BMPER: variants seen among roughly 807,000 people sequenced by gnomAD.
The protein encoded by BMPER is BMP-binding endothelial regulator protein.
A neutral mutation model predicts 87.3 loss-of-function variants in BMPER; 45 were observed. The ratio of observed to expected loss-of-function variants is 0.52; its 90% CI spans 0.41 to 0.66. The LOEUF (loss-of-function observed/expected upper bound fraction) is 0.66. Ranked by LOEUF, BMPER falls within the 30% of genes least tolerant of loss-of-function variation. The pLI, the probability that BMPER is intolerant of heterozygous loss-of-function variation, is 0.00. For missense variants in BMPER, 784 were observed against 867.5 expected (o/e 0.90, Z 1.21); for synonymous variants, 326 against 316.2 (o/e 1.03, Z -0.33).
At chr7:33,905,283 G>T (rs1257434666), upstream of BMPER, 3 of 413,456 alleles carry the variant, frequency 7.3e-6, no homozygotes, top group Admixed American at 3.6e-5. Flanking sequence ...TCCGGCTGCC[G>T]CAACACCCCT....
intron 13 of BMPER, among the ~76,000 whole-genome samples, chr7:34,089,748 T>C (rs1181546725): frequency 6.6e-6 from 1 of 152,144 alleles, no homozygotes; most frequent in Non-Finnish European, 1.5e-5. Context: ...CCTCCCAAAG[T>C]GCTGGGATTA....
chr7:34,139,765 TTTTCAAA>T (rs1790815066), intron 13 of BMPER, among the ~76,000 whole-genome samples: 1 of 152,240 alleles, frequency 6.6e-6, no homozygotes, highest in Non-Finnish European at 1.5e-5. Context: ...TAAAAATATA[TTTTCAAA>T]ACTTCATTGT....
At chr7:34,148,132 C>T (rs1006810302) in intron 14 of BMPER, among the ~76,000 whole-genome samples, 2 of 152,126 alleles carry the variant, frequency 1.3e-5, no homozygotes, top group Non-Finnish European at 2.9e-5. Context: ...ACCAAGGATC[C>T]GCCCTTCCCT....
intron 2 of BMPER, among the ~76,000 whole-genome samples, chr7:33,916,978 CT>C (rs1353868900): frequency 6.6e-6 from 1 of 152,058 alleles, no homozygotes; most frequent in South Asian, 2.1e-4. Context: ...TAAACACTGT[CT>C]TTTTTTTGAA....
Position 34,085,805 on chromosome 7 carries a change from G to C in BMPER, c.1458G>C (p.Ala486=). The stretch of plus-strand genomic sequence containing the variant: ...ACAGTTTTGTAGAAGTCATGGCTGC[G>C]CCGCATCTCAAGGGCAAGCTCTGTG... The part of the protein sequence containing the change: ...DGDSFVEVMA[A]PHLKGKLCGL... The change falls in exon 13 of 15, where the codon GCG becomes GCC. Residue 486 remains alanine (A), a synonymous_variant. Coordinates refer to ENST00000649409, the MANE Select transcript of BMPER (RefSeq NM_001365308.1). 1.9e-6 allele frequency: 3 copies of C among 1,614,154 alleles called. No homozygotes were observed. Among genetic ancestry groups the C allele is most frequent in the Non-Finnish European group, 2.5e-6 (3 of 1,180,030 alleles).
Position 33,905,882 on chromosome 7 carries a change from A to G in BMPER, c.133+136A>G, listed in dbSNP as rs1457045802. 41 of 1,258,756 alleles carry G rather than the reference A, an allele frequency of 3.3e-5. No individual in the cohort carries two copies. The South Asian group carries it at 5.2e-4, about 16-fold the overall frequency. 78.0% of individuals were successfully genotyped at this position (1,258,756 alleles called of 1,614,324 possible). On this transcript the variant is annotated intron_variant, in intron 1 of 14. Transcript: ENST00000649409. ...GCTTGCCCTGCGCTGGTCGATGGGG[A>G]TGAAGCGAAGCCCCGGGAGGGCTGG... is the stretch of plus-strand genomic sequence containing the variant.
chr7:33,931,048 G>A (rs1301460416), intron 2 of BMPER, among the ~76,000 whole-genome samples: 2 of 152,112 alleles, frequency 1.3e-5, no homozygotes, highest in Admixed American at 6.5e-5. Flanking sequence ...CTAGAACCTT[G>A]GCTTAAAGTC....
intron 4 of BMPER, among the ~76,000 whole-genome samples, chr7:33,968,185 C>G (rs746821686): frequency 1.3e-5 from 2 of 152,080 alleles, no homozygotes; most frequent in Non-Finnish European, 2.9e-5. Flanking sequence ...TGTTACCTAC[C>G]CAAGAGGAAG....
chr7:34,127,450 A>G (rs1790434421), intron 13 of BMPER, among the ~76,000 whole-genome samples: 1 of 152,056 alleles, frequency 6.6e-6, no homozygotes, highest in African/African-American at 2.4e-5. Context: ...CACACTGGCT[A>G]TTTACACCAC....
intron 5 of BMPER, among the ~76,000 whole-genome samples, chr7:33,971,341 C>G (rs958379573): frequency 6.6e-6 from 1 of 152,076 alleles, no homozygotes; most frequent in Non-Finnish European, 1.5e-5. Context: ...AGAGTTCAGC[C>G]TTTTCTCACC....
At chr7:34,057,806 A>G (rs1489052301) in intron 9 of BMPER, among the ~76,000 whole-genome samples, 2 of 150,956 alleles carry the variant, frequency 1.3e-5, no homozygotes, top group Non-Finnish European at 2.9e-5. Flanking sequence ...AACACACAAT[A>G]ATTATTTTTA....
intron 3 of BMPER, among the ~76,000 whole-genome samples, chr7:33,939,037 A>C (rs1400507392): frequency 2.0e-5 from 3 of 151,222 alleles, no homozygotes; most frequent in African/African-American, 7.3e-5. Flanking sequence ...AAAACAAAAC[A>C]AAAAAAAAGA....
chr7:34,066,438 T>G (rs1788594683), intron 11 of BMPER, among the ~76,000 whole-genome samples: 1 of 152,220 alleles, frequency 6.6e-6, no homozygotes, highest in African/African-American at 2.4e-5. Context: ...GAATTAGATT[T>G]GATTTTGATG....
Position 34,155,217 on chromosome 7 carries a change from C to T in BMPER, c.*1944C>T, listed in dbSNP as rs1304714387. The stretch of plus-strand genomic sequence containing the variant: ...GGTAGGGAAAATCAGTTGACGTTGC[C>T]TGGTGGTTCCTACCTTCTGTAAAAC... On this transcript the variant is annotated 3_prime_UTR_variant, in exon 15 of 15. Coordinates refer to ENST00000649409, the MANE Select transcript of BMPER (RefSeq NM_001365308.1). 1.3e-5 allele frequency: 2 copies of T among 152,302 alleles called. No individual in the cohort carries two copies. Among genetic ancestry groups the T allele is most frequent in the African/African-American group, 2.4e-5 (1 of 41,570 alleles). 9.4% of individuals were successfully genotyped at this position (152,302 alleles called of 1,614,324 possible). A position where few individuals can be genotyped will look rare whatever the true frequency, so the allele number is the denominator to read the frequency against.
intron 6 of BMPER, among the ~76,000 whole-genome samples, chr7:34,039,740 A>G (rs1049000513): frequency 2.0e-5 from 3 of 152,094 alleles, no homozygotes; most frequent in African/African-American, 4.8e-5. Flanking sequence ...GTATATCTAT[A>G]TAAACACCTC....
intron 3 of BMPER, among the ~76,000 whole-genome samples, chr7:33,956,942 C>A (rs1785161761): frequency 6.6e-6 from 1 of 152,078 alleles, no homozygotes. Context: ...GTGATAACAC[C>A]AAATGCTGGC....
At chr7:34,125,995 TAAAC>T (rs1790392332) in intron 13 of BMPER, among the ~76,000 whole-genome samples, 1 of 152,174 alleles carries the variant, frequency 6.6e-6, no homozygotes, top group South Asian at 2.1e-4. Flanking sequence ...GGCAGGAAAT[TAAAC>T]AAACACAGTC....
intron 6 of BMPER, among the ~76,000 whole-genome samples, chr7:34,044,854 C>T (rs919119473): frequency 2.0e-5 from 3 of 152,056 alleles, no homozygotes; most frequent in African/African-American, 7.2e-5. Context: ...AGAAAATAAA[C>T]TGTTATAATA....
intron 6 of BMPER, among the ~76,000 whole-genome samples, chr7:34,016,587 G>T (rs940964868): frequency 1.3e-5 from 2 of 151,928 alleles, no homozygotes; most frequent in Non-Finnish European, 2.9e-5. Flanking sequence ...TGTTCCTGGG[G>T]TGGAATTACT....
Sources: gnomAD v4.1 joint callset for allele counts (sites outside exome capture counted in the v4.1 genomes callset) on GRCh38, gnomAD v4.1.1 for gene constraint, MANE v1.5 for transcripts, NCBI Gene and HGNC (gene_info 2026-07-23, HGNC 2026-07-21) for gene names.